The following PCDHGB3 variants were observed in gnomAD, a reference collection of about 807,000 sequenced individuals.
The protein encoded by PCDHGB3 is protocadherin gamma-B3.
Under a neutral mutation model 59.2 loss-of-function variants are expected in PCDHGB3, and 40 were observed. The observed-to-expected ratio is 0.68, with a 90% CI of 0.52 to 0.88. The LOEUF (loss-of-function observed/expected upper bound fraction) is 0.88, where lower values mean the gene tolerates loss of function less well. Ranked by LOEUF, PCDHGB3 falls within the 40% of genes least tolerant of loss-of-function variation. The pLI is 0.00. For synonymous variants in PCDHGB3, 581 were observed against 503.6 expected, an observed-to-expected ratio of 1.15 and a Z score of -2.06; for missense variants, 1,309 against 1,187.9, an observed-to-expected ratio of 1.10 and a Z score of -1.50.
intron 1 of PCDHGB3, chr5:141,423,296 T>G (rs771340929): frequency 6.2e-7 from 1 of 1,614,124 alleles, no homozygotes; most frequent in Non-Finnish European, 8.5e-7. Context: ...ACCTCAGACC[T>G]CTCGCTGTAC....
intron 1 of PCDHGB3, chr5:141,393,809 A>G (rs566306926): frequency 1.9e-6 from 3 of 1,613,982 alleles, no homozygotes; most frequent in African/African-American, 1.3e-5. Context: ...GGAGGACCAA[A>G]TTGCTCATTT....
chr5:141,470,023 G>A (rs1258101057), intron 1 of PCDHGB3, among the ~76,000 whole-genome samples: 1 of 152,110 alleles, frequency 6.6e-6, no homozygotes, highest in Admixed American at 6.6e-5. Context: ...CAGCTACTCG[G>A]GATGCTGAGG....
At chr5:141,459,199 A>G (rs930769883) in intron 1 of PCDHGB3, among the ~76,000 whole-genome samples, 6 of 152,200 alleles carry the variant, frequency 3.9e-5, no homozygotes, top group African/African-American at 1.4e-4. Flanking sequence ...TTTGCAATCA[A>G]TTCACTACTT....
In PCDHGB3 at chr5:141,421,516, T is replaced by G. The variant is rs199973694; in HGVS notation, c.2415+48707T>G. On this transcript the variant is annotated intron_variant, in intron 1 of 3. Transcript: ENST00000576222. Reference sequence around the variant, plus strand: ...AGGCAGGATAGACCGGGAGGAGCTCTGTGAGACGGTGTCCTCCTGTTTTTT... The same window carrying G: ...AGGCAGGATAGACCGGGAGGAGCTCGGTGAGACGGTGTCCTCCTGTTTTTT... 1.4e-5 allele frequency: 22 copies of G among 1,614,064 alleles called. No homozygotes were observed. The East Asian group carries it at 4.9e-4, about 36-fold the overall frequency.
intron 1 of PCDHGB3, among the ~76,000 whole-genome samples, chr5:141,474,136 G>A (rs1383142266): frequency 1.3e-5 from 2 of 152,056 alleles, no homozygotes; most frequent in East Asian, 3.8e-4. Context: ...AAAACTACAG[G>A]CCTTATTATC....
intron 1 of PCDHGB3, chr5:141,478,776 A>T: frequency 1.3e-6 from 2 of 1,488,808 alleles, no homozygotes; most frequent in Non-Finnish European, 1.8e-6. Context: ...TCATCTGTGG[A>T]CCTAATTCAC....
intron 1 of PCDHGB3, among the ~76,000 whole-genome samples, chr5:141,446,882 G>A (rs1419213225): frequency 1.3e-5 from 2 of 152,086 alleles, no homozygotes; most frequent in African/African-American, 4.8e-5. Flanking sequence ...TATGTTTTGG[G>A]GTTCATGGCT....
chr5:141,490,157 G>A lies in PCDHGB3; in HGVS notation c.2416-4650G>A. 6.2e-7 allele frequency: 1 copy of A among 1,614,210 alleles called. No homozygotes were observed. On this transcript the variant is annotated intron_variant, in intron 1 of 3. Transcript: ENST00000576222. The surrounding 1 kb of genome is among the most constrained non-coding windows in gnomAD (Gnocchi z 5.4). ...AGCAGTGGGGCAATCCATGTGTTGG[G>A]TCCCATAGACTTTGAGGAGTCACGT...
intron 1 of PCDHGB3, chr5:141,427,746 T>A: frequency 7.9e-7 from 1 of 1,272,038 alleles, no homozygotes; most frequent in African/African-American, 1.5e-5. Flanking sequence ...AGTCTCCTAC[T>A]CCATCGTTAC....
chr5:141,431,513 C>G lies in PCDHGB3; in HGVS notation c.2415+58704C>G. ...TCAGCCCGAGTACCGCGCGAGCGTT[C>G]CGGAGAATCTGGCCTTGGGCACGCA... On this transcript the variant is annotated intron_variant, in intron 1 of 3. Transcript: ENST00000576222. The surrounding 1 kb of genome is among the most constrained non-coding windows in gnomAD (Gnocchi z 4.8). 6.2e-7 allele frequency: 1 copy of G among 1,614,022 alleles called. No homozygotes were observed. Among genetic ancestry groups the G allele is most frequent in the South Asian group, 1.1e-5 (1 of 91,088 alleles).
chr5:141,505,779 T>G (rs1420143439), intron 3 of PCDHGB3, among the ~76,000 whole-genome samples: 1 of 139,496 alleles, frequency 7.2e-6, no homozygotes, highest in Non-Finnish European at 1.6e-5. Flanking sequence ...GTCCTAGCTC[T>G]GCTACTATCC....
intron 1 of PCDHGB3, among the ~76,000 whole-genome samples, chr5:141,492,167 C>T (rs565536989): frequency 6.6e-6 from 1 of 152,344 alleles, no homozygotes; most frequent in East Asian, 1.9e-4. Context: ...CCTATCCCCG[C>T]ATCACCCAAC....
In PCDHGB3 at chr5:141,432,927, G is replaced by A; in HGVS notation, c.2415+60118G>A. On this transcript the variant is annotated intron_variant, in intron 1 of 3. Coordinates refer to ENST00000576222, the MANE Select transcript of PCDHGB3 (RefSeq NM_018924.5). This position sits in a 1 kb window ranked among gnomAD's most constrained non-coding sequence, Gnocchi z 6.0. ...AGGCTGCGGCGCTGGCACAAGTCACGCCTGCTGCAGGCTTCAGGAGGCGGC... is the reference window on the plus strand; with the variant it reads ...AGGCTGCGGCGCTGGCACAAGTCACACCTGCTGCAGGCTTCAGGAGGCGGC... 6.2e-7 allele frequency: 1 copy of A among 1,614,162 alleles called. No individual in the cohort carries two copies. Among genetic ancestry groups the A allele is most frequent in the Non-Finnish European group, 8.5e-7 (1 of 1,180,032 alleles).
chr5:141,468,419 G>A (rs1733006381), intron 1 of PCDHGB3: 1 of 151,826 alleles, frequency 6.6e-6, no homozygotes, highest in Admixed American at 6.6e-5. Flanking sequence ...AAGTTAGATA[G>A]CAAGGTAATA....
intron 1 of PCDHGB3, among the ~76,000 whole-genome samples, chr5:141,479,107 G>A (rs1212999480): frequency 6.6e-6 from 1 of 152,090 alleles, no homozygotes; most frequent in Non-Finnish European, 1.5e-5. Flanking sequence ...TTTATTTCAA[G>A]CATTCTACTG....
chr5:141,418,578 CAGTGTT>C, intron 1 of PCDHGB3: 1 of 1,614,040 alleles, frequency 6.2e-7, no homozygotes, highest in African/African-American at 1.3e-5. Flanking sequence ...GACAACCCCC[CAGTGTT>C]CAGCCAGGAC....
At position 141,489,748 on chromosome 5, in the gene PCDHGB3, T is replaced by C. The variant is rs763688648; in HGVS notation, c.2416-5059T>C. On this transcript the variant is annotated intron_variant, in intron 1 of 3. Transcript: ENST00000576222. The surrounding 1 kb of genome is among the most constrained non-coding windows in gnomAD (Gnocchi z 4.5). ...TGTGGGCACCAATACTGTGAGCTTT[T>C]ACACTCTAAGCCCCAACAGCCACTT... is the stretch of plus-strand genomic sequence containing the variant. The C allele has an allele frequency of 1.8e-5, 29 of 1,614,038 alleles. No homozygotes were observed. Among genetic ancestry groups the C allele is most frequent in the Non-Finnish European group, 1.6e-5 (19 of 1,180,010 alleles).
At chr5:141,383,255 T>C (rs772221697) in intron 1 of PCDHGB3, 32 of 1,613,816 alleles carry the variant, frequency 2.0e-5, no homozygotes, top group African/African-American at 2.7e-5. Flanking sequence ...CTTTACCCTA[T>C]AGACGTGGAA....
intron 1 of PCDHGB3, chr5:141,374,742 C>A (rs1382250910): frequency 1.2e-6 from 2 of 1,611,728 alleles, no homozygotes; most frequent in African/African-American, 1.3e-5. Flanking sequence ...GGCGGCGACC[C>A]TGTCCGCTCA....
Sources: allele counts gnomAD v4.1 joint callset (sites outside exome capture counted in the v4.1 genomes callset), GRCh38; gene constraint gnomAD v4.1.1; non-coding constraint Gnocchi (gnomAD v3.1); transcripts MANE v1.5; gene names NCBI Gene and HGNC (gene_info 2026-07-23, HGNC 2026-07-21).